FER1L6: variants seen among roughly 807,000 people sequenced by gnomAD.
FER1L6 encodes fer-1 like family member 6, also known as fer-1-like protein 6.
Under a neutral mutation model 219.2 loss-of-function variants are expected in FER1L6, and 177 were observed. The observed-to-expected ratio is 0.81, with a 90% CI of 0.71 to 0.91. The LOEUF is 0.91. FER1L6 is among the 40% of genes least tolerant of loss of function. FER1L6 has a pLI of 0.00. For missense variants in FER1L6, 2,153 were observed against 2,259.9 expected (o/e 0.95, Z 0.96); for synonymous variants, 768 against 824.3 (o/e 0.93, Z 1.17).
chr8:124,037,635 G>T lies in FER1L6; in HGVS notation c.2464+2181G>T, dbSNP rs542492692. 9.8e-5 allele frequency among the ~76,000 whole-genome samples: 15 copies of T among 152,290 alleles called. No individual in the cohort carries two copies. In the South Asian group the frequency reaches 1.5e-3, roughly 15 times the overall value. On this transcript the variant is annotated intron_variant, in intron 19 of 40. Transcript: ENST00000522917. ...GCTCAAGTTTCCAAATCCTTTGCAGGATTAGAGTGGGTCTGATATGGTTGC... is the reference window on the plus strand; with the variant it reads ...GCTCAAGTTTCCAAATCCTTTGCAGTATTAGAGTGGGTCTGATATGGTTGC...
chr8:123,904,685 G>T (rs774727450), intron 1 of FER1L6, among the ~76,000 whole-genome samples: 26 of 152,178 alleles, frequency 1.7e-4, no homozygotes, highest in Non-Finnish European at 3.4e-4. Context: ...ACTTGAAGGG[G>T]TGTCTTCCAC....
chr8:123,859,322 A>G (rs1004037258), intron 1 of FER1L6, among the ~76,000 whole-genome samples: 4 of 152,070 alleles, frequency 2.6e-5, no homozygotes, highest in Admixed American at 2.6e-4. Flanking sequence ...TTTCAATGTG[A>G]TGTTTTGATC....
chr8:123,941,054 TGG>T (rs1235693173), intron 1 of FER1L6, among the ~76,000 whole-genome samples: 2 of 152,198 alleles, frequency 1.3e-5, no homozygotes, highest in Non-Finnish European at 2.9e-5. Context: ...TAAACGTTTG[TGG>T]TGTGAACCTA....
intron 1 of FER1L6, among the ~76,000 whole-genome samples, chr8:123,955,686 T>A (rs1814981213): frequency 6.6e-6 from 1 of 152,212 alleles, no homozygotes; most frequent in Non-Finnish European, 1.5e-5. Context: ...CCTAGCAGAG[T>A]GCCTGGTGAT....
chr8:124,108,522 C>G (rs148729203), intron 39 of FER1L6, among the ~76,000 whole-genome samples: 1 of 152,278 alleles, frequency 6.6e-6, no homozygotes, highest in African/African-American at 2.4e-5. Flanking sequence ...GCCTCAAACT[C>G]AAAATACCTA....
At chr8:123,885,489 G>GT (rs1817185131) in intron 1 of FER1L6, among the ~76,000 whole-genome samples, 1 of 152,188 alleles carries the variant, frequency 6.6e-6, no homozygotes. Flanking sequence ...TCTAGCAGTA[G>GT]TAATAGCCAA....
chr8:123,868,394 A>C (rs1232493675), intron 1 of FER1L6, among the ~76,000 whole-genome samples: 1 of 152,200 alleles, frequency 6.6e-6, no homozygotes, highest in Non-Finnish European at 1.5e-5. Flanking sequence ...TTCTAGGGCA[A>C]TGACTCAAAG....
intron 12 of FER1L6, among the ~76,000 whole-genome samples, chr8:123,994,570 C>A (rs1817038121): frequency 6.6e-6 from 1 of 152,308 alleles, no homozygotes; most frequent in East Asian, 1.9e-4. Flanking sequence ...TCAGAACTTA[C>A]AACTGCCCCA....
At chr8:124,065,400 CAA>C (rs60695255) in intron 26 of FER1L6, among the ~76,000 whole-genome samples, 2,132 of 55,214 alleles carry the variant, frequency 0.039, 66 homozygotes, top group African/African-American at 0.12. Flanking sequence ...GCCTCCATCT[CAA>C]AAAAAAAAAA....
rs1427149615 is a variant in FER1L6 at position 124,049,689 on chromosome 8, G to A, written c.2807G>A (p.Cys936Tyr). 1 of 1,613,954 alleles carries A rather than the reference G, an allele frequency of 6.2e-7. No homozygotes were observed. Among genetic ancestry groups the A allele is most frequent in the African/African-American group, 1.3e-5 (1 of 74,904 alleles). ...CAGGACTATGAGCCCCCCAGGTTAT[G>A]CTATCACCCCATCTTTTGTGGGAAT... The part of the protein sequence containing the change: ...ADQDYEPPRL[C>Y]YHPIFCGNLS... The change falls in exon 22 of 41, where the codon TGC becomes TAC. Residue 936 changes from cysteine (C) to tyrosine (Y), a missense_variant. Cys to Tyr is a radical substitution (Grantham distance 194). Coordinates refer to ENST00000522917, the MANE Select transcript of FER1L6 (RefSeq NM_001039112.2).
Position 124,015,571 on chromosome 8 carries a change from CTATATATATATATATA to C in FER1L6, c.1923-2027_1923-2012del, listed in dbSNP as rs781161909. Among the ~76,000 whole-genome samples the C allele has an allele frequency of 2.4e-3, 104 of 43,264 alleles. 4 individuals are homozygous for C. Among genetic ancestry groups the C allele is most frequent in the East Asian group, 0.013 (19 of 1,440 alleles). The allele number at this position is 43,264 out of a possible 152,430, so 28.4% of individuals were successfully genotyped here. ...TGTTTCTTGTTTTTCATTATAAAAGCTATATATATATATATATATATATATATATATATATATATAT... is the reference window on the plus strand; with the variant it reads ...TGTTTCTTGTTTTTCATTATAAAAGCTATATATATATATATATATATATAT... On this transcript the variant is annotated intron_variant, in intron 15 of 40. Coordinates refer to ENST00000522917, the MANE Select transcript of FER1L6 (RefSeq NM_001039112.2).
intron 15 of FER1L6, among the ~76,000 whole-genome samples, chr8:124,016,552 T>C (rs1818208206): frequency 6.6e-6 from 1 of 152,212 alleles, no homozygotes; most frequent in Non-Finnish European, 1.5e-5. Flanking sequence ...GTTTGATTTG[T>C]CCTCCTGGAC....
chr8:124,100,974 T>C (rs1157391913), intron 37 of FER1L6, 123 bp from the exon 38 acceptor site: 5 of 923,222 alleles, frequency 5.4e-6, no homozygotes, highest in Non-Finnish European at 8.2e-6. Context: ...CAACTGAATC[T>C]AATTATAATG....
intron 22 of FER1L6, among the ~76,000 whole-genome samples, chr8:124,053,763 C>T (rs1055818573): frequency 3.3e-5 from 5 of 152,032 alleles, no homozygotes; most frequent in South Asian, 2.1e-4. Context: ...GAGGTGGAGG[C>T]GGGAGGATTA....
rs1586419208 is a variant in FER1L6 at position 123,853,118 on chromosome 8, A to G, written c.-8+933A>G. 6.6e-6 allele frequency among the ~76,000 whole-genome samples: 1 copy of G among 152,166 alleles called. No individual in the cohort carries two copies. The highest frequency in any genetic ancestry group is 1.9e-4 in the East Asian group (1 of 5,194). On this transcript the variant is annotated intron_variant, in intron 1 of 40. Coordinates refer to ENST00000522917, the MANE Select transcript of FER1L6 (RefSeq NM_001039112.2). The surrounding 1 kb of genome is among the most constrained non-coding windows in gnomAD (Gnocchi z 6.6). ...CTCAGCCTTCCAAAGTGCTCGGATT[A>G]CGTGCGTGAGCCACTGTGCCCACCC...
intron 39 of FER1L6, among the ~76,000 whole-genome samples, chr8:124,108,752 C>T (rs561531150): frequency 3.5e-4 from 53 of 152,082 alleles, no homozygotes; most frequent in African/African-American, 1.2e-3. Context: ...GTGGTACCTA[C>T]GTGTAGTCCT....
At position 123,963,260 on chromosome 8, in the gene FER1L6, C is replaced by T. The variant is rs779513072; in HGVS notation, c.77-18C>T. ...ATGTCAATTTCACAGGATTTTCTTC[C>T]TTTGTTTGCTTCTCCAGATAGTCAA... On this transcript the variant is annotated intron_variant, in intron 2 of 40. Coordinates refer to ENST00000522917, the MANE Select transcript of FER1L6 (RefSeq NM_001039112.2). 6.2e-7 allele frequency: 1 copy of T among 1,613,238 alleles called. No individual in the cohort carries two copies. The highest frequency in any genetic ancestry group is 2.2e-5 in the East Asian group (1 of 44,868).
At chr8:123,854,090 C>T (rs925875060) in intron 1 of FER1L6, among the ~76,000 whole-genome samples, 9 of 152,180 alleles carry the variant, frequency 5.9e-5, no homozygotes, top group Non-Finnish European at 1.2e-4. Context: ...AATGAAAAGA[C>T]GTCTGGTGAG....
chr8:124,045,103 T>C (rs1041085131), intron 20 of FER1L6, among the ~76,000 whole-genome samples: 4 of 152,248 alleles, frequency 2.6e-5, no homozygotes, highest in African/African-American at 9.6e-5. Context: ...ACATAAGGAA[T>C]ATTAGGTCAA....
Sources: gnomAD v4.1 joint callset for allele counts (sites outside exome capture counted in the v4.1 genomes callset) on GRCh38, gnomAD v4.1.1 for gene constraint, Gnocchi (gnomAD v3.1) non-coding constraint, MANE v1.5 for transcripts, NCBI Gene and HGNC (gene_info 2026-07-23, HGNC 2026-07-21) for gene names.